Variants in CACNB2 observed in about 807,000 individuals in gnomAD.
CACNB2 encodes voltage-dependent L-type calcium channel subunit beta-2.
In CACNB2, 42 loss-of-function variants were observed where a neutral mutation model predicts 73.3. The observed-to-expected ratio is 0.57, with a 90% CI of 0.45 to 0.74. The LOEUF (loss-of-function observed/expected upper bound fraction) is 0.74. Ranked by LOEUF, CACNB2 falls within the 30% of genes least tolerant of loss-of-function variation. CACNB2 has a pLI of 0.00. For missense variants in CACNB2, 940 were observed against 853.0 expected (o/e 1.10, Z -1.27); for synonymous variants, 348 against 310.3 (o/e 1.12, Z -1.28).
chr10:18,333,291 G>C (rs1323590720), intron 2 of CACNB2, among the ~76,000 whole-genome samples: 1 of 152,134 alleles, frequency 6.6e-6, no homozygotes, highest in Non-Finnish European at 1.5e-5. Context: ...TGAATTGCAG[G>C]CGGGATTGAT....
chr10:18,489,444 C>CT (rs111643893), intron 3 of CACNB2, among the ~76,000 whole-genome samples: 39,613 of 131,704 alleles, frequency 0.3, 6,236 homozygotes, highest in East Asian at 0.63. Flanking sequence ...TAAAATTTAA[C>CT]TTTTTTTTTT....
chr10:18,252,398 C>T (rs570591153), intron 2 of CACNB2, among the ~76,000 whole-genome samples: 67 of 152,064 alleles, frequency 4.4e-4, no homozygotes, highest in African/African-American at 1.4e-3. Context: ...ATTACATAAC[C>T]GACCGAGTTT....
At chr10:18,309,330 C>T (rs1049270444) in intron 2 of CACNB2, among the ~76,000 whole-genome samples, 1 of 152,178 alleles carries the variant, frequency 6.6e-6, no homozygotes, top group Non-Finnish European at 1.5e-5. Flanking sequence ...AGAATTTTTA[C>T]ACTGAAGCCG....
chr10:18,230,823 AAGG>A (rs1358045759), intron 2 of CACNB2, among the ~76,000 whole-genome samples: 2 of 145,520 alleles, frequency 1.4e-5, no homozygotes, highest in East Asian at 4.0e-4. Flanking sequence ...TGACCATAAG[AAGG>A]AGATCATTTT....
chr10:18,340,095 C>G (rs906208822), intron 2 of CACNB2, among the ~76,000 whole-genome samples: 2 of 152,000 alleles, frequency 1.3e-5, no homozygotes, highest in African/African-American at 4.8e-5. Flanking sequence ...TTTCCATGTT[C>G]TTTTAGTTGT....
intron 7 of CACNB2, among the ~76,000 whole-genome samples, chr10:18,515,371 T>A (rs962007780): frequency 6.6e-6 from 1 of 152,364 alleles, no homozygotes; most frequent in Admixed American, 6.5e-5. Flanking sequence ...GCTACCATGC[T>A]GTCTTTTAGA....
chr10:18,509,780 A>C (rs1227984398), intron 6 of CACNB2, among the ~76,000 whole-genome samples: 11 of 152,060 alleles, frequency 7.2e-5, no homozygotes, highest in Admixed American at 5.9e-4. Context: ...ACAGAGGGAG[A>C]CCCTGTCTCA....
chr10:18,155,458 C>G (rs1285872227), intron 2 of CACNB2, among the ~76,000 whole-genome samples: 3 of 152,168 alleles, frequency 2.0e-5, no homozygotes, highest in Non-Finnish European at 4.4e-5. Context: ...TTTATGTGCT[C>G]TACTGTTGGT....
intron 2 of CACNB2, among the ~76,000 whole-genome samples, chr10:18,281,167 C>T (rs1384414942): frequency 1.3e-5 from 2 of 152,098 alleles, no homozygotes; most frequent in African/African-American, 4.8e-5. Flanking sequence ...AGATAATACT[C>T]ATTAGTGTTG....
intron 2 of CACNB2, among the ~76,000 whole-genome samples, chr10:18,166,450 C>A (rs1002838717): frequency 2.6e-5 from 4 of 152,074 alleles, no homozygotes; most frequent in Non-Finnish European, 5.9e-5. Context: ...GGCCTCAAAC[C>A]CCTGACCTCA....
chr10:18,331,091 T>G lies in CACNB2; in HGVS notation c.214-70833T>G, dbSNP rs533774785. 4.3e-3 allele frequency among the ~76,000 whole-genome samples: 652 copies of G among 152,114 alleles called. 5 individuals are homozygous for G. The highest frequency in any genetic ancestry group is 6.8e-3 in the Middle Eastern group (2 of 294). ...ACTTCCGCCTCCTGGGTTCAGGTGA[T>G]TCTCCCGCCTCAGCCTCCTGAGTAG... On this transcript the variant is annotated intron_variant, in intron 2 of 13. Coordinates refer to ENST00000324631, the MANE Select transcript of CACNB2 (RefSeq NM_201596.3).
Position 18,333,728 on chromosome 10 carries a change from A to C in CACNB2, c.214-68196A>C, listed in dbSNP as rs115191319. Among the ~76,000 whole-genome samples, 373 of 152,336 alleles carry C rather than the reference A, an allele frequency of 2.4e-3. 3 individuals carry two copies. Among genetic ancestry groups the C allele is most frequent in the African/African-American group, 8.6e-3 (357 of 41,588 alleles). ...CACATAGCATGGTCTTGTATAATCA[A>C]AGATGACACTGTTGAGGCATAAACT... On this transcript the variant is annotated intron_variant, in intron 2 of 13. Coordinates refer to ENST00000324631, the MANE Select transcript of CACNB2 (RefSeq NM_201596.3).
At chr10:18,166,156 T>A (rs2032835865) in intron 2 of CACNB2, among the ~76,000 whole-genome samples, 1 of 152,182 alleles carries the variant, frequency 6.6e-6, no homozygotes, top group Non-Finnish European at 1.5e-5. Context: ...ATTATTAAGG[T>A]CATAAGTATT....
intron 2 of CACNB2, among the ~76,000 whole-genome samples, chr10:18,287,643 G>A (rs1332609892): frequency 6.6e-6 from 1 of 152,202 alleles, no homozygotes; most frequent in African/African-American, 2.4e-5. Flanking sequence ...CTGAGCCCAA[G>A]AGTTTAAGAC....
At chr10:18,384,181 T>C (rs2043131754) in intron 2 of CACNB2, among the ~76,000 whole-genome samples, 1 of 152,170 alleles carries the variant, frequency 6.6e-6, no homozygotes, top group South Asian at 2.1e-4. Context: ...CGAAGATCAA[T>C]AGGACCAGCA....
intron 2 of CACNB2, among the ~76,000 whole-genome samples, chr10:18,289,297 G>GTTT (rs764040568): frequency 3.5e-5 from 2 of 56,698 alleles, no homozygotes; most frequent in South Asian, 7.3e-4. Flanking sequence ...TTTTTGTTTT[G>GTTT]TTTTTTTTTT....
intron 6 of CACNB2, among the ~76,000 whole-genome samples, chr10:18,509,785 G>T (rs1336381246): frequency 6.6e-6 from 1 of 151,968 alleles, no homozygotes; most frequent in Non-Finnish European, 1.5e-5. Flanking sequence ...GGGAGACCCT[G>T]TCTCAAATAA....
intron 3 of CACNB2, 128 bp downstream of exon 3, chr10:18,402,171 T>A: frequency 7.5e-6 from 8 of 1,072,722 alleles, no homozygotes; most frequent in Admixed American, 7.4e-5. Flanking sequence ...TTTAGAAAGG[T>A]ACAAAAAATG....
At chr10:18,184,992 A>G (rs2034083643) in intron 2 of CACNB2, among the ~76,000 whole-genome samples, 2 of 151,988 alleles carry the variant, frequency 1.3e-5, no homozygotes, top group Non-Finnish European at 2.9e-5. Flanking sequence ...GGCATGCACC[A>G]CCACGCCTGG....
Sources: allele counts gnomAD v4.1 joint callset (sites outside exome capture counted in the v4.1 genomes callset), GRCh38; gene constraint gnomAD v4.1.1; transcripts MANE v1.5; gene names NCBI Gene and HGNC (gene_info 2026-07-23, HGNC 2026-07-21).